The following ENDOD1 variants were observed in gnomAD, a reference collection of about 807,000 sequenced individuals.
ENDOD1 encodes the protein endonuclease domain-containing 1 protein.
A neutral mutation model predicts 6.5 loss-of-function variants in ENDOD1; 9 were observed. That is an observed-to-expected ratio of 1.39 (90% confidence interval 0.84 to 2.43). The LOEUF (loss-of-function observed/expected upper bound fraction) is 2.43, where lower values mean the gene tolerates loss of function less well. Ranked by LOEUF, ENDOD1 falls within the 30% of genes most tolerant of loss-of-function variation. ENDOD1 has a pLI of 0.00. For missense variants in ENDOD1, 648 were observed against 635.5 expected, an observed-to-expected ratio of 1.02 and a Z score of -0.21; for synonymous variants, 255 against 255.2, an observed-to-expected ratio of 1.00 and a Z score of 0.01.
Position 95,128,823 on chromosome 11 carries a change from G to C in ENDOD1, c.747G>C (p.Val249=). The C allele has an allele frequency of 1.9e-6, 3 of 1,614,180 alleles. No individual in the cohort carries two copies. Among genetic ancestry groups the C allele is most frequent in the South Asian group, 2.2e-5 (2 of 91,078 alleles). Residue 249 remains valine, a synonymous_variant, in exon 2 of 2, where the codon GTG becomes GTC. Transcript: ENST00000278505. The part of the protein sequence containing the change: ...HTRDSDIIED[V]MVKDLQKLLP... ...GGGACAGTGACATCATAGAAGATGT[G>C]ATGGTAAAAGATCTTCAGAAACTGC... is the stretch of plus-strand genomic sequence containing the variant.
rs143870058 is a variant in ENDOD1 at position 95,103,611 on chromosome 11, G to A, written c.300+13384G>A. Among the ~76,000 whole-genome samples, 448 of 152,260 alleles carry A rather than the reference G, an allele frequency of 2.9e-3. 2 individuals carry two copies. The highest frequency in any genetic ancestry group is 0.01 in the African/African-American group (420 of 41,546). ...ACTCTCTCTCACTAGATTGTTAGCC[G>A]CTAAGGGGCAAGGATTAAACATGCA... is the stretch of plus-strand genomic sequence containing the variant. On this transcript the variant is annotated intron_variant, in intron 1 of 1. Transcript: ENST00000278505.
chr11:95,129,545 A>G lies in ENDOD1; in HGVS notation c.1469A>G (p.Tyr490Cys), dbSNP rs1178328376. The G allele has an allele frequency of 1.2e-6, 2 of 1,613,844 alleles. No homozygotes were observed. Among genetic ancestry groups the G allele is most frequent in the Non-Finnish European group, 1.7e-6 (2 of 1,179,838 alleles). The change falls in exon 2 of 2, where the codon TAC becomes TGC. Residue 490 changes from tyrosine (Y) to cysteine (C), a missense_variant. By Grantham distance (194) the Tyr-to-Cys change is radical (BLOSUM62 -2). Transcript: ENST00000278505. ...TTTAGTGTCTGCAAGCGGATTGGCT[A>G]CAAGGTTACTTTTGACAATTCTGGG... The part of the protein sequence containing the change: ...VVFSVCKRIG[Y>C]KVTFDNSGEL
At position 95,122,683 on chromosome 11, in the gene ENDOD1, T is replaced by C. The variant is rs1247015521; in HGVS notation, c.301-5694T>C. On this transcript the variant is annotated intron_variant, in intron 1 of 1. Coordinates refer to ENST00000278505, the MANE Select transcript of ENDOD1 (RefSeq NM_015036.3). ...TACCAAGACATACTTAGTTGTTTTG[T>C]AGAGTTAGGTGAGCATGGTAATGAT... Among the ~76,000 whole-genome samples, 3 of 152,042 alleles carry C rather than the reference T, an allele frequency of 2.0e-5. No individual in the cohort carries two copies. The South Asian group carries it at 6.2e-4, about 32-fold the overall frequency.
chr11:95,111,898 C>T (rs1455790380), intron 1 of ENDOD1, among the ~76,000 whole-genome samples: 18 of 152,144 alleles, frequency 1.2e-4, no homozygotes, highest in East Asian at 5.8e-4. Flanking sequence ...GCATGGAAGA[C>T]GATGTTTGTT....
chr11:95,115,233 T>C (rs1555112368), intron 1 of ENDOD1, among the ~76,000 whole-genome samples: 1 of 152,188 alleles, frequency 6.6e-6, no homozygotes, highest in Non-Finnish European at 1.5e-5. Flanking sequence ...ATCCTAGGTA[T>C]TTACTTTGAT....
intron 1 of ENDOD1, among the ~76,000 whole-genome samples, chr11:95,117,932 T>C (rs931282297): frequency 1.3e-5 from 2 of 152,196 alleles, no homozygotes; most frequent in African/African-American, 4.8e-5. Context: ...TGCTGTATAT[T>C]TTTTGATTTG....
intron 1 of ENDOD1, among the ~76,000 whole-genome samples, chr11:95,110,581 GTA>G (rs1316113759): frequency 2.3e-5 from 3 of 129,558 alleles, no homozygotes; most frequent in Non-Finnish European, 3.5e-5. Flanking sequence ...GTCCGTGTAT[GTA>G]TGTGTGTGTG....
intron 1 of ENDOD1, among the ~76,000 whole-genome samples, chr11:95,123,588 CAA>C (rs71930134): frequency 0.039 from 5,259 of 134,950 alleles, 260 homozygotes; most frequent in African/African-American, 0.12. Context: ...GTATAAATAC[CAA>C]AAAAAAAAAA....
intron 1 of ENDOD1, among the ~76,000 whole-genome samples, 154 bp from the exon 2 acceptor site, chr11:95,128,223 A>G (rs936395821): frequency 4.6e-5 from 7 of 152,234 alleles, no homozygotes; most frequent in Admixed American, 2.0e-4. Flanking sequence ...ATCAGAATGA[A>G]GTGTCCATGT....
At chr11:95,107,543 G>A (rs2134166443) in intron 1 of ENDOD1, among the ~76,000 whole-genome samples, 1 of 152,246 alleles carries the variant, frequency 6.6e-6, no homozygotes, top group African/African-American at 2.4e-5. Context: ...GCTCTGGAAA[G>A]GATAGCAGAG....
intron 1 of ENDOD1, among the ~76,000 whole-genome samples, chr11:95,113,020 C>CTT (rs560876736): frequency 1.4e-5 from 2 of 141,660 alleles, no homozygotes; most frequent in African/African-American, 2.6e-5. Context: ...ATTACTGAAG[C>CTT]TTTTTTTTTT....
At position 95,089,901 on chromosome 11, in the gene ENDOD1, G is replaced by C. The variant is rs1362585894; in HGVS notation, c.-27G>C. On this transcript the variant is annotated 5_prime_UTR_variant, in exon 1 of 2. Coordinates refer to ENST00000278505, the MANE Select transcript of ENDOD1 (RefSeq NM_015036.3). ...TCGCGCCGCGGCAGCCCAGCCGCTC[G>C]GCCCCGCCGCGCTCGCAGAGGCCGC... 1 of 1,310,982 alleles carries C rather than the reference G, an allele frequency of 7.6e-7. No homozygotes were observed. Among genetic ancestry groups the C allele is most frequent in the Non-Finnish European group, 9.7e-7 (1 of 1,027,324 alleles). 81.2% of individuals were successfully genotyped at this position (1,310,982 alleles called of 1,614,324 possible).
intron 1 of ENDOD1, among the ~76,000 whole-genome samples, chr11:95,102,143 C>G (rs1859046592): frequency 6.6e-6 from 1 of 151,858 alleles, no homozygotes; most frequent in Non-Finnish European, 1.5e-5. Flanking sequence ...GGCCAGTAAG[C>G]AGCAGAGCTG....
chr11:95,111,210 G>A (rs1341992350), intron 1 of ENDOD1, among the ~76,000 whole-genome samples: 1 of 152,124 alleles, frequency 6.6e-6, no homozygotes, highest in African/African-American at 2.4e-5. Flanking sequence ...CAGCCCAGAA[G>A]TCCTCAGGGA....
At chr11:95,102,990 T>C (rs1859055566) in intron 1 of ENDOD1, among the ~76,000 whole-genome samples, 1 of 152,210 alleles carries the variant, frequency 6.6e-6, no homozygotes, top group Non-Finnish European at 1.5e-5. Context: ...AGGTAGCTTA[T>C]TGGCCAGGCT....
At chr11:95,096,334 A>C (rs1445467732) in intron 1 of ENDOD1, among the ~76,000 whole-genome samples, 2 of 134,184 alleles carry the variant, frequency 1.5e-5, no homozygotes, top group Non-Finnish European at 3.1e-5. Flanking sequence ...AACATCTGTC[A>C]TAGTAATAAT....
chr11:95,128,481 T>A lies in ENDOD1; in HGVS notation c.405T>A (p.Leu135=). 1 of 1,614,250 alleles carries A rather than the reference T, an allele frequency of 6.2e-7. No individual in the cohort carries two copies. The highest frequency in any genetic ancestry group is 8.5e-7 in the Non-Finnish European group (1 of 1,180,040). ...GSKQALNTDY[L]DSDYQRGQLY... ...AGCAAGCCTTGAATACAGATTACCT[T>A]GATTCTGATTACCAAAGAGGACAGC... Residue 135 remains leucine, a synonymous_variant, in exon 2 of 2, where the codon CTT becomes CTA. Transcript: ENST00000278505.
intron 1 of ENDOD1, among the ~76,000 whole-genome samples, chr11:95,118,404 A>G (rs1035429353): frequency 2.6e-5 from 4 of 152,080 alleles, no homozygotes; most frequent in Admixed American, 6.5e-5. Context: ...TTTCTTATTC[A>G]TGTATGAAGG....
At chr11:95,094,254 G>A (rs1412668524) in intron 1 of ENDOD1, among the ~76,000 whole-genome samples, 1 of 151,782 alleles carries the variant, frequency 6.6e-6, no homozygotes, top group African/African-American at 2.4e-5. Context: ...TAGAAAGGAG[G>A]AAACTGGCTA....
Sources: allele counts gnomAD v4.1 joint callset (sites outside exome capture counted in the v4.1 genomes callset), GRCh38; gene constraint gnomAD v4.1.1; transcripts MANE v1.5; gene names NCBI Gene and HGNC (gene_info 2026-07-23, HGNC 2026-07-21).